The following CHAT variants were observed in gnomAD, a reference collection of about 807,000 sequenced individuals.
CHAT encodes the protein choline O-acetyltransferase, also known as acetyl CoA:choline O-acetyltransferase.
Under a neutral mutation model 76.9 loss-of-function variants are expected in CHAT, and 61 were observed. That is an observed-to-expected ratio of 0.79 (90% CI 0.65 to 0.98). CHAT has a LOEUF of 0.98. CHAT is among the 50% of genes least tolerant of loss of function. CHAT has a pLI of 0.00. For synonymous variants in CHAT, 407 were observed against 397.4 expected (o/e 1.02, Z -0.29); for missense variants, 946 against 986.9 (o/e 0.96, Z 0.56).
intron 11 of CHAT, 97 bp from the exon 12 acceptor site, chr10:49,654,998 C>A (rs929907520): frequency 7.4e-6 from 9 of 1,218,752 alleles, no homozygotes; most frequent in Non-Finnish European, 1.1e-5. Context: ...CAAGTCAGGG[C>A]TGTGAAAATA....
In CHAT at chr10:49,620,548, T is replaced by C. The variant is rs1462030938; in HGVS notation, c.633T>C (p.Pro211=). The change falls in exon 4 of 15, where the codon CCT becomes CCC. Residue 211 remains proline (P), a synonymous_variant. Transcript: ENST00000337653. ...ATCTCAACAACCGCCTGGCCCTGCC[T>C]GTCAACTCCAGCCCTGCCGTGATCT... ...DMYLNNRLAL[P]VNSSPAVIFA... 1.9e-6 allele frequency: 3 copies of C among 1,613,960 alleles called. No individual in the cohort carries two copies. Among genetic ancestry groups the C allele is most frequent in the Non-Finnish European group, 2.5e-6 (3 of 1,179,890 alleles).
At position 49,619,933 on chromosome 10, in the gene CHAT, A is replaced by T. The variant is rs773861372; in HGVS notation, c.579+17A>T. 6.2e-7 allele frequency: 1 copy of T among 1,605,464 alleles called. No individual in the cohort carries two copies. Among genetic ancestry groups the T allele is most frequent in the South Asian group, 1.1e-5 (1 of 89,258 alleles). On this transcript the variant is annotated intron_variant, in intron 3 of 14. Coordinates refer to ENST00000337653, the MANE Select transcript of CHAT (RefSeq NM_020549.5). ...GCCAACTGGGTAAGAGGGGCAGACA[A>T]GGAACCCATAGAAGAGGGGCGGGAG...
intron 5 of CHAT, among the ~76,000 whole-genome samples, chr10:49,623,162 A>G (rs983774205): frequency 6.6e-6 from 1 of 152,100 alleles, no homozygotes; most frequent in Non-Finnish European, 1.5e-5. Flanking sequence ...CTTCGTGGAC[A>G]GCATTCTATT....
At chr10:49,643,977 G>A (rs1291180533) in intron 7 of CHAT, among the ~76,000 whole-genome samples, 1 of 152,224 alleles carries the variant, frequency 6.6e-6, no homozygotes, top group Non-Finnish European at 1.5e-5. Context: ...GGGGTCATGT[G>A]CTGTGCAGCA....
chr10:49,614,454 G>T lies in CHAT; in HGVS notation c.265G>T (p.Ala89Ser). ...PEWCGAASAE[A>S]AEPRRAGPHL... ...GTGGTGCGGTGCAGCGTCGGCCGAG[G>T]CAGCAGAGCCGAGGAGAGCAGGTGA... The change falls in exon 1 of 15, where the codon GCA (alanine) becomes TCA (serine). Residue 89 changes from alanine (A) to serine (S), a missense_variant. Around this residue, in one of 3 missense-constraint regions of CHAT, gnomAD observed 548 missense variants for 516.2 expected, o/e 1.06. Coordinates refer to ENST00000337653, the MANE Select transcript of CHAT (RefSeq NM_020549.5). 1 of 1,547,652 alleles carries T rather than the reference G, an allele frequency of 6.5e-7. No homozygotes were observed. The highest frequency in any genetic ancestry group is 2.0e-5 in the Admixed American group (1 of 51,080).
chr10:49,641,868 A>C (rs1384181504), intron 7 of CHAT, among the ~76,000 whole-genome samples: 3 of 152,240 alleles, frequency 2.0e-5, no homozygotes, highest in Non-Finnish European at 4.4e-5. Context: ...ACTTGTGCAC[A>C]GTAGTGCACA....
chr10:49,611,779 C>A, upstream of CHAT: 1 of 1,602,872 alleles, frequency 6.2e-7, no homozygotes, highest in Non-Finnish European at 8.5e-7. Flanking sequence ...CCTCACCGTG[C>A]GCCTGGCGGC....
At chr10:49,650,592 T>TG (rs1330666183) in intron 10 of CHAT, among the ~76,000 whole-genome samples, 2 of 151,790 alleles carry the variant, frequency 1.3e-5, no homozygotes, top group African/African-American at 4.8e-5. Context: ...ATGGCCAGAG[T>TG]GGGGCCACAA....
chr10:49,610,042 G>T (rs1277023002), upstream of CHAT, among the ~76,000 whole-genome samples: 1 of 151,512 alleles, frequency 6.6e-6, no homozygotes, highest in East Asian at 2.0e-4. Context: ...GCAGGGGGCG[G>T]GGGGCAGAGG....
At position 49,614,368 on chromosome 10, in the gene CHAT, A is replaced by G; in HGVS notation, c.179A>G (p.His60Arg). ...GPAGNPGCSP[H>R]PRAATRPPPL... is the part of the protein sequence containing the mutation. The stretch of plus-strand genomic sequence containing the variant: ...GCCGGGAACCCAGGCTGCAGCCCCC[A>G]CCCCCGCGCTGCGACACGCCCCCCA... The change falls in exon 1 of 15, where the codon CAC becomes CGC. Residue 60 changes from histidine to arginine, a missense_variant. His to Arg is a conservative substitution (Grantham distance 29). Around this residue, in one of 3 missense-constraint regions of CHAT, gnomAD observed 548 missense variants for 516.2 expected, o/e 1.06. Coordinates refer to ENST00000337653, the MANE Select transcript of CHAT (RefSeq NM_020549.5). 1 of 1,418,402 alleles carries G rather than the reference A, an allele frequency of 7.1e-7. No individual in the cohort carries two copies. Among genetic ancestry groups the G allele is most frequent in the Non-Finnish European group, 9.7e-7 (1 of 1,030,658 alleles). 87.9% of individuals were successfully genotyped at this position (1,418,402 alleles called of 1,614,324 possible). A position where few individuals can be genotyped will look rare whatever the true frequency, so the allele number is the denominator to read the frequency against.
rs771372324 is a variant in CHAT at position 49,616,088 on chromosome 10, A to G, written c.287-414A>G. On this transcript the variant is annotated intron_variant, in intron 1 of 14. Coordinates refer to ENST00000337653, the MANE Select transcript of CHAT (RefSeq NM_020549.5). The stretch of plus-strand genomic sequence containing the variant: ...AATGCAGAGATGAAGCACTGAGCAC[A>G]GTAGGTATGGTCTTACCCTTGAGAA... The G allele has an allele frequency of 2.5e-6, 4 of 1,613,248 alleles. No individual in the cohort carries two copies. The African/African-American group carries it at 4.0e-5, about 16-fold the overall frequency.
At chr10:49,624,642 A>C (rs962032942) in intron 5 of CHAT, among the ~76,000 whole-genome samples, 1 of 152,208 alleles carries the variant, frequency 6.6e-6, no homozygotes, top group African/African-American at 2.4e-5. Context: ...ATATCCCCAC[A>C]TCCCAGAATG....
chr10:49,615,612 T>C (rs1838461865), intron 1 of CHAT: 1 of 180,518 alleles, frequency 5.5e-6, no homozygotes. Context: ...GAATAGAGGG[T>C]GGGCTGGTGG....
At chr10:49,630,656 A>G (rs1392000294) in intron 7 of CHAT, among the ~76,000 whole-genome samples, 1 of 152,198 alleles carries the variant, frequency 6.6e-6, no homozygotes. Context: ...TTAGGAGGAG[A>G]GACAAATGTA....
chr10:49,644,864 G>A (rs747035591), intron 7 of CHAT, among the ~76,000 whole-genome samples: 5 of 152,198 alleles, frequency 3.3e-5, no homozygotes, highest in Non-Finnish European at 7.3e-5. Flanking sequence ...AAGACCTAGG[G>A]GATGGTCTTA....
upstream of CHAT, chr10:49,611,866 G>A (rs149604765): frequency 1.9e-6 from 3 of 1,606,736 alleles, no homozygotes; most frequent in Non-Finnish European, 2.5e-6. Context: ...CATCGTGCCC[G>A]CCTGCCGCTC....
At chr10:49,625,730 G>A (rs1440110726) in intron 6 of CHAT, 77 bp downstream of exon 6, 29 of 1,444,772 alleles carry the variant, frequency 2.0e-5, no homozygotes, top group African/African-American at 4.2e-5. Flanking sequence ...TACCTTCTCC[G>A]AGGGGGCTCA....
rs1477467607 is a variant in CHAT, at chr10:49,649,613, C to G, written c.1488C>G (p.Ala496=). 2.5e-6 allele frequency: 4 copies of G among 1,613,752 alleles called. No homozygotes were observed. Among genetic ancestry groups the G allele is most frequent in the Non-Finnish European group, 1.7e-6 (2 of 1,180,048 alleles). Reference sequence around the variant, plus strand: ...CCCCGGAAATTCAAGGCCACTTAGCCTCCTCGGCAGAAAAACTTCAACGGT... The same window carrying G: ...CCCCGGAAATTCAAGGCCACTTAGCGTCCTCGGCAGAAAAACTTCAACGGT... ...KCSPEIQGHL[A]SSAEKLQRIV... The change falls in exon 10 of 15, where the codon GCC becomes GCG. Residue 496 remains alanine, a synonymous_variant. Coordinates refer to ENST00000337653, the MANE Select transcript of CHAT (RefSeq NM_020549.5).
intron 8 of CHAT, chr10:49,648,103 C>G: frequency 3.6e-6 from 1 of 276,974 alleles, no homozygotes; most frequent in Non-Finnish European, 7.0e-6. Context: ...GAGTAAAGAT[C>G]CAGCCTCTGG....
Sources: gnomAD v4.1 joint callset for allele counts (sites outside exome capture counted in the v4.1 genomes callset) on GRCh38, gnomAD v4.1.1 for gene constraint, gnomAD v4.1.1 regional missense constraint, MANE v1.5 for transcripts, NCBI Gene and HGNC (gene_info 2026-07-23, HGNC 2026-07-21) for gene names.